Variants in DENND1A observed in about 807,000 individuals in gnomAD.
The protein encoded by DENND1A is DENN domain containing 1A.
DENND1A carries 51 observed loss-of-function variants against 113.7 expected under a neutral mutation model. The ratio of observed to expected loss-of-function variants is 0.45; its 90% confidence interval spans 0.36 to 0.57. The LOEUF (loss-of-function observed/expected upper bound fraction) is 0.57. Among genes scored for constraint, DENND1A ranks in the 20% least tolerant of loss-of-function variants. The pLI is 0.00. For synonymous variants in DENND1A, 565 were observed against 570.8 expected, an observed-to-expected ratio of 0.99 and a Z score of 0.14; for missense variants, 1,258 against 1,395.9, an observed-to-expected ratio of 0.90 and a Z score of 1.57.
chr9:123,877,604 AC>A lies in DENND1A; in HGVS notation c.88+1346del, dbSNP rs200141922. ...TTTGGGAGGCCGAGGTGGGTAGATC[AC>A]CTGAGGTCAGGAGCTCAAGACCAGC... On this transcript the variant is annotated intron_variant, in intron 2 of 23. Transcript: ENST00000394215. Among the ~76,000 whole-genome samples the A allele has an allele frequency of 7.5e-3, 1,142 of 152,270 alleles. 37 individuals carry two copies. Among genetic ancestry groups the A allele is most frequent in the Admixed American group, 0.06 (921 of 15,290 alleles).
At chr9:123,531,545 C>G (rs1169590349) in intron 13 of DENND1A, among the ~76,000 whole-genome samples, 1 of 101,370 alleles carries the variant, frequency 9.9e-6, no homozygotes, top group Non-Finnish European at 1.9e-5. Flanking sequence ...CTCTTCCCCC[C>G]TCTCTCTCTA....
chr9:123,572,241 G>C (rs1414082716), intron 12 of DENND1A, among the ~76,000 whole-genome samples: 1 of 152,108 alleles, frequency 6.6e-6, no homozygotes, highest in East Asian at 1.9e-4. Flanking sequence ...TAATGTATTT[G>C]AGATTCATCC....
chr9:123,529,183 T>A (rs1588998538), intron 13 of DENND1A, among the ~76,000 whole-genome samples: 2 of 152,314 alleles, frequency 1.3e-5, no homozygotes, highest in South Asian at 4.2e-4. Flanking sequence ...ACCCTCATCT[T>A]TGTCTATATT....
In DENND1A at chr9:123,679,834, C is replaced by A. The variant is rs911508991; in HGVS notation, c.303-3045G>T. 3.3e-5 allele frequency among the ~76,000 whole-genome samples: 5 copies of A among 152,140 alleles called. No individual in the cohort carries two copies. The East Asian group carries it at 9.7e-4, about 29-fold the overall frequency. ...ATCCTTCCCAGTCCAAAGACAGAAA[C>A]AAACACTCTAGTACACTGCACCACC... On this transcript the variant is annotated intron_variant, in intron 5 of 23. Coordinates refer to ENST00000394215, the MANE Select transcript of DENND1A (RefSeq NM_001352964.2).
At chr9:123,544,847 C>G (rs774988343) in intron 13 of DENND1A, among the ~76,000 whole-genome samples, 1 of 152,112 alleles carries the variant, frequency 6.6e-6, no homozygotes, top group Admixed American at 6.5e-5. Context: ...GCCTGTAATC[C>G]CAGCACTTTG....
At chr9:123,574,840 A>T (rs2058550649) in intron 12 of DENND1A, among the ~76,000 whole-genome samples, 1 of 152,216 alleles carries the variant, frequency 6.6e-6, no homozygotes, top group Non-Finnish European at 1.5e-5. Context: ...GATTACCACC[A>T]CACATTTGTC....
chr9:123,604,430 A>G (rs747060022), intron 11 of DENND1A, among the ~76,000 whole-genome samples: 5 of 152,206 alleles, frequency 3.3e-5, no homozygotes, highest in Non-Finnish European at 5.9e-5. Flanking sequence ...GGTGGATATT[A>G]TATCACATTT....
intron 2 of DENND1A, among the ~76,000 whole-genome samples, chr9:123,842,834 A>T (rs554507700): frequency 6.6e-6 from 1 of 152,286 alleles, no homozygotes; most frequent in East Asian, 1.9e-4. Context: ...ATGCAAAAAT[A>T]CTCAATATAT....
chr9:123,815,993 CTTTT>C (rs1170659580), intron 2 of DENND1A, among the ~76,000 whole-genome samples: 4 of 79,778 alleles, frequency 5.0e-5, no homozygotes, highest in East Asian at 3.4e-4. Context: ...AGTGACTGTA[CTTTT>C]TTTTTTTTTT....
At chr9:123,421,087 T>C (rs546098394) in intron 19 of DENND1A, among the ~76,000 whole-genome samples, 1 of 144,114 alleles carries the variant, frequency 6.9e-6, no homozygotes, top group South Asian at 2.4e-4. Flanking sequence ...TAGGATGCTG[T>C]CGAGGGTGCC....
At chr9:123,570,518 G>A (rs2058298912) in intron 12 of DENND1A, among the ~76,000 whole-genome samples, 1 of 152,164 alleles carries the variant, frequency 6.6e-6, no homozygotes, top group Non-Finnish European at 1.5e-5. Flanking sequence ...GATGGATGGG[G>A]ACTGGAGAAG....
chr9:123,564,234 C>G (rs529774284), intron 12 of DENND1A, among the ~76,000 whole-genome samples: 3 of 152,234 alleles, frequency 2.0e-5, no homozygotes, highest in Non-Finnish European at 2.9e-5. Flanking sequence ...TAGTGCTCAA[C>G]AAGTAGAGTG....
chr9:123,529,878 G>A (rs1049405114), intron 13 of DENND1A, among the ~76,000 whole-genome samples: 1 of 152,212 alleles, frequency 6.6e-6, no homozygotes, highest in Non-Finnish European at 1.5e-5. Context: ...AGGCAGACAT[G>A]GATTCAGATC....
intron 2 of DENND1A, among the ~76,000 whole-genome samples, chr9:123,857,007 C>G (rs1395729613): frequency 2.0e-5 from 3 of 151,996 alleles, no homozygotes; most frequent in Middle Eastern, 3.4e-3. Flanking sequence ...TTTCAATATA[C>G]ACAGATAGAT....
intron 3 of DENND1A, among the ~76,000 whole-genome samples, chr9:123,772,233 T>A (rs1752156): frequency 6.6e-6 from 1 of 151,972 alleles, no homozygotes; most frequent in African/African-American, 2.4e-5. Flanking sequence ...AACATTCATG[T>A]CTTATCATCT....
At chr9:123,659,358 G>A (rs1395878608) in intron 8 of DENND1A, among the ~76,000 whole-genome samples, 3 of 152,152 alleles carry the variant, frequency 2.0e-5, no homozygotes, top group Non-Finnish European at 4.4e-5. Context: ...AGACATTCTG[G>A]TGTGAAAAGG....
intron 2 of DENND1A, among the ~76,000 whole-genome samples, chr9:123,818,519 TACACACACACAC>T (rs1215014185): frequency 1.3e-3 from 142 of 112,298 alleles, no homozygotes; most frequent in African/African-American, 5.1e-3. Flanking sequence ...TACATACATA[TACACACACACAC>T]ACACACACAC....
rs183767024 is a variant in DENND1A at position 123,858,526 on chromosome 9, A to G, written c.88+20425T>C. 3.9e-5 allele frequency among the ~76,000 whole-genome samples: 6 copies of G among 152,278 alleles called. No homozygotes were observed. The East Asian group carries it at 1.2e-3, about 29-fold the overall frequency. On this transcript the variant is annotated intron_variant, in intron 2 of 23. Coordinates refer to ENST00000394215, the MANE Select transcript of DENND1A (RefSeq NM_001352964.2). Reference sequence around the variant, plus strand: ...TGCCCTTCAACAAGACCGTGGATAGAAGGAACAGTTTAGGATTAGGATCGG... The same window carrying G: ...TGCCCTTCAACAAGACCGTGGATAGGAGGAACAGTTTAGGATTAGGATCGG...
intron 8 of DENND1A, among the ~76,000 whole-genome samples, chr9:123,658,003 A>G (rs541264593): frequency 4.6e-5 from 7 of 152,298 alleles, no homozygotes; most frequent in East Asian, 1.9e-4. Flanking sequence ...AAGAGCAACA[A>G]TGGAATTCTC....
Sources: gnomAD v4.1 joint callset for allele counts (sites outside exome capture counted in the v4.1 genomes callset) on GRCh38, gnomAD v4.1.1 for gene constraint, MANE v1.5 for transcripts, NCBI Gene and HGNC (gene_info 2026-07-23, HGNC 2026-07-21) for gene names.